SLF1: variants seen among roughly 807,000 people sequenced by gnomAD.
SLF1 encodes the protein SMC5-SMC6 complex localization factor protein 1.
SLF1 carries 105 observed loss-of-function variants against 123.0 expected under a neutral mutation model. That is an observed-to-expected ratio of 0.85 (90% CI 0.73 to 1.00). SLF1 has a LOEUF of 1.00. Ranked by LOEUF, SLF1 falls within the 50% of genes least tolerant of loss-of-function variation. The probability of loss-of-function intolerance (pLI) is 0.00; values close to 1 mark genes in which losing one functional copy is unlikely to be tolerated. For missense variants in SLF1, 1,239 were observed against 1,223.0 expected (o/e 1.01, Z -0.20); for synonymous variants, 434 against 406.6 (o/e 1.07, Z -0.81).
intron 14 of SLF1, among the ~76,000 whole-genome samples, chr5:94,673,459 G>T (rs1233407224): frequency 6.6e-6 from 1 of 151,996 alleles, no homozygotes; most frequent in East Asian, 1.9e-4. Context: ...AGGATTGCTT[G>T]CGGCCAGGAG....
chr5:94,618,546 G>C (rs1357251290), upstream of SLF1: 1 of 153,210 alleles, frequency 6.5e-6, no homozygotes, highest in African/African-American at 2.4e-5. Flanking sequence ...TGACCCGCTG[G>C]CCAGACTCAA....
intron 5 of SLF1, among the ~76,000 whole-genome samples, chr5:94,648,315 A>G (rs1308346995): frequency 6.6e-6 from 1 of 152,244 alleles, no homozygotes; most frequent in African/African-American, 2.4e-5. Context: ...TCAGGATTGC[A>G]GCCTGCTAAA....
At position 94,691,577 on chromosome 5, in the gene SLF1, G is replaced by A; in HGVS notation, c.2433G>A (p.Leu811=). The A allele has an allele frequency of 6.2e-7, 1 of 1,609,874 alleles. No homozygotes were observed. Among genetic ancestry groups the A allele is most frequent in the South Asian group, 1.1e-5 (1 of 90,302 alleles). Residue 811 remains leucine (L), a synonymous_variant, in exon 19 of 21, where the codon CTG becomes CTA. Coordinates refer to ENST00000265140, the MANE Select transcript of SLF1 (RefSeq NM_032290.4). ...TTTTTATGGCAGGAGAAACAGCCCT[G>A]CATAGAGCTTGCATAAATAACCAAG... The part of the protein sequence containing the change: ...HKTNLKGETA[L]HRACINNQVE...
chr5:94,639,368 C>T (rs1457258064), intron 4 of SLF1, among the ~76,000 whole-genome samples: 4 of 152,082 alleles, frequency 2.6e-5, no homozygotes, highest in African/African-American at 9.7e-5. Flanking sequence ...TCTGCTTTCC[C>T]TTTTTCCTTG....
chr5:94,692,479 A>T (rs1753144769), intron 20 of SLF1, among the ~76,000 whole-genome samples: 1 of 152,122 alleles, frequency 6.6e-6, no homozygotes. Context: ...TATATTATTA[A>T]GCCTATTTAG....
At chr5:94,678,778 T>G (rs1310438505) in intron 14 of SLF1, 30 bp from the exon 15 acceptor site, 3 of 1,556,130 alleles carry the variant, frequency 1.9e-6, no homozygotes, top group Non-Finnish European at 2.6e-6. Flanking sequence ...TGTAATATAT[T>G]TTAGTAATTT....
Position 94,670,832 on chromosome 5 carries a change from A to G in SLF1, c.1662-11A>G. 2 of 1,538,182 alleles carry G rather than the reference A, an allele frequency of 1.3e-6. No homozygotes were observed. Among genetic ancestry groups the G allele is most frequent in the Non-Finnish European group, 1.8e-6 (2 of 1,138,358 alleles). The stretch of plus-strand genomic sequence containing the variant: ...GCTTAAAGATATACTTTTTGTTTAT[A>G]TTTTAATTAGGTTGTATGACTGGTC... On this transcript the variant is annotated splice_polypyrimidine_tract_variant and intron_variant, in intron 13 of 20. Transcript: ENST00000265140.
intron 15 of SLF1, among the ~76,000 whole-genome samples, chr5:94,681,670 C>A (rs955707727): frequency 2.0e-5 from 3 of 150,060 alleles, no homozygotes; most frequent in African/African-American, 7.4e-5. Flanking sequence ...ACAACAGTCC[C>A]CAGAGTGTGA....
chr5:94,643,342 T>C lies in SLF1; in HGVS notation c.501T>C (p.Ile167=), dbSNP rs1746658333. The change falls in exon 5 of 21, where the codon ATT becomes ATC. Residue 167 remains isoleucine, a synonymous_variant. Transcript: ENST00000265140. ...CACCAAGTGGAATAACTCATGTGAT[T>C]GCCAGTAATGCAAGAATTAAAGCTG... The part of the protein sequence containing the change: ...KSSPSGITHV[I]ASNARIKAEK... 1 of 1,545,350 alleles carries C rather than the reference T, an allele frequency of 6.5e-7. No homozygotes were observed. Among genetic ancestry groups the C allele is most frequent in the Non-Finnish European group, 8.7e-7 (1 of 1,143,864 alleles).
Position 94,649,563 on chromosome 5 carries a change from A to G in SLF1, c.704A>G (p.Lys235Arg), listed in dbSNP as rs771056452. ...FRKDAGFLEM[K>R]GALRETMYRT... Reference sequence around the variant, plus strand: ...AAAGATGCAGGATTTCTTGAAATGAAAGGTGCCTTAAGAGAGACCATGTAT... The same window carrying G: ...AAAGATGCAGGATTTCTTGAAATGAGAGGTGCCTTAAGAGAGACCATGTAT... The change falls in exon 6 of 21, where the codon AAA (lysine) becomes AGA (arginine). Residue 235 changes from lysine (K) to arginine (R), a missense_variant. By Grantham distance (26) the Lys-to-Arg change is conservative. Coordinates refer to ENST00000265140, the MANE Select transcript of SLF1 (RefSeq NM_032290.4). 1 of 1,538,158 alleles carries G rather than the reference A, an allele frequency of 6.5e-7. No homozygotes were observed. Among genetic ancestry groups the G allele is most frequent in the South Asian group, 1.2e-5 (1 of 82,238 alleles).
chr5:94,697,409 C>T lies in SLF1; in HGVS notation c.*2097C>T, dbSNP rs1161564607. 6.6e-6 allele frequency: 1 copy of T among 151,802 alleles called. No homozygotes were observed. The highest frequency in any genetic ancestry group is 2.4e-5 in the African/African-American group (1 of 41,360). 9.4% of individuals were successfully genotyped at this position (151,802 alleles called of 1,614,324 possible). ...TGGAGGTATAGGAAGAAGAAATTCTCAATAAGTAAAGTATAATTCATAGTC... is the reference window on the plus strand; with the variant it reads ...TGGAGGTATAGGAAGAAGAAATTCTTAATAAGTAAAGTATAATTCATAGTC... On this transcript the variant is annotated 3_prime_UTR_variant, in exon 21 of 21. Transcript: ENST00000265140.
At chr5:94,626,170 G>A (rs1324174536) in intron 1 of SLF1, among the ~76,000 whole-genome samples, 3 of 150,834 alleles carry the variant, frequency 2.0e-5, no homozygotes, top group East Asian at 2.0e-4. Flanking sequence ...GGAGAATGGC[G>A]TGAACCCAGG....
intron 15 of SLF1, among the ~76,000 whole-genome samples, chr5:94,685,313 C>T (rs545966935): frequency 5.3e-5 from 8 of 152,270 alleles, no homozygotes; most frequent in African/African-American, 1.7e-4. Flanking sequence ...TTTAATTCTT[C>T]TCTTCTGCTG....
At chr5:94,642,506 T>A (rs1746560262) in intron 4 of SLF1, among the ~76,000 whole-genome samples, 1 of 152,230 alleles carries the variant, frequency 6.6e-6, no homozygotes, top group Non-Finnish European at 1.5e-5. Context: ...TTGTCCAGTC[T>A]CTTCATAAAA....
intron 1 of SLF1, among the ~76,000 whole-genome samples, chr5:94,621,201 T>C (rs147747140): frequency 2.0e-4 from 30 of 152,314 alleles, no homozygotes; most frequent in African/African-American, 6.3e-4. Context: ...TATAATGTGG[T>C]TAAAAGTATT....
At chr5:94,684,761 A>C (rs993103241) in intron 15 of SLF1, among the ~76,000 whole-genome samples, 2 of 151,664 alleles carry the variant, frequency 1.3e-5, no homozygotes, top group Admixed American at 1.3e-4. Flanking sequence ...GGATTATCTA[A>C]ATTCAGTGAT....
intron 14 of SLF1, chr5:94,678,482 A>G (rs559755066): frequency 5.9e-6 from 1 of 169,542 alleles, no homozygotes; most frequent in African/African-American, 2.4e-5. Context: ...ATAAAAATCT[A>G]CAAAAACCAG....
chr5:94,674,811 G>A (rs1750859207), intron 14 of SLF1, among the ~76,000 whole-genome samples: 1 of 152,164 alleles, frequency 6.6e-6, no homozygotes, highest in African/African-American at 2.4e-5. Flanking sequence ...TCAAGGTTAT[G>A]GAGGAGGTAC....
chr5:94,636,540 T>C (rs1745790929), intron 4 of SLF1, among the ~76,000 whole-genome samples: 1 of 152,074 alleles, frequency 6.6e-6, no homozygotes, highest in African/African-American at 2.4e-5. Context: ...AGCCTGCTGC[T>C]GTTGAAGTCT....
Sources: gnomAD v4.1 joint callset for allele counts (sites outside exome capture counted in the v4.1 genomes callset) on GRCh38, gnomAD v4.1.1 for gene constraint, MANE v1.5 for transcripts, NCBI Gene and HGNC (gene_info 2026-07-23, HGNC 2026-07-21) for gene names.